The following ABLIM1 variants were observed in gnomAD, a reference collection of about 807,000 sequenced individuals.
ABLIM1 encodes the protein actin binding LIM protein 1.
ABLIM1 carries 40 observed loss-of-function variants against 107.0 expected under a neutral mutation model. The ratio of observed to expected loss-of-function variants is 0.37; its 90% CI spans 0.29 to 0.49. ABLIM1 has a LOEUF of 0.49. ABLIM1 is among the 20% of genes least tolerant of loss of function. The pLI, the probability that ABLIM1 is intolerant of heterozygous loss-of-function variation, is 0.97. For synonymous variants in ABLIM1, 357 were observed against 357.3 expected (o/e 1.00, Z 0.01); for missense variants, 857 against 1,008.5 (o/e 0.85, Z 2.04).
chr10:114,559,430 T>C (rs1591198391), intron 4 of ABLIM1, among the ~76,000 whole-genome samples: 2 of 59,794 alleles, frequency 3.3e-5, no homozygotes, highest in Admixed American at 2.3e-4. Flanking sequence ...TAGCAAAAAC[T>C]CGTCTCTCAA....
intron 1 of ABLIM1, among the ~76,000 whole-genome samples, chr10:114,669,226 G>A (rs2080151724): frequency 7.9e-6 from 1 of 126,266 alleles, no homozygotes. Context: ...TTAAAGACAG[G>A]TACATTTTAT....
chr10:114,567,814 G>A (rs1297135564), intron 4 of ABLIM1, among the ~76,000 whole-genome samples: 1 of 152,216 alleles, frequency 6.6e-6, no homozygotes, highest in Non-Finnish European at 1.5e-5. Flanking sequence ...TATTTCAAAG[G>A]AGAAAGAGGA....
intron 8 of ABLIM1, among the ~76,000 whole-genome samples, chr10:114,481,505 C>G (rs1021003531): frequency 4.6e-5 from 7 of 151,918 alleles, no homozygotes; most frequent in African/African-American, 1.7e-4. Flanking sequence ...TTGAAGTTCA[C>G]TAGACAAGGT....
intron 1 of ABLIM1, chr10:114,684,181 T>G: frequency 1.8e-6 from 2 of 1,115,526 alleles, no homozygotes; most frequent in Non-Finnish European, 2.5e-6. Context: ...TTATCATAAG[T>G]GTAAAACAAT....
intron 1 of ABLIM1, among the ~76,000 whole-genome samples, chr10:114,724,948 C>T (rs996730906): frequency 6.6e-6 from 1 of 152,182 alleles, no homozygotes; most frequent in Middle Eastern, 3.2e-3. Flanking sequence ...CTTACAGCCA[C>T]GTGCAGTACA....
intron 2 of ABLIM1, among the ~76,000 whole-genome samples, chr10:114,588,341 A>G (rs2074415439): frequency 6.7e-6 from 1 of 149,682 alleles, no homozygotes; most frequent in African/African-American, 2.5e-5. Flanking sequence ...TCTTACCTAC[A>G]TTCTACATTT....
chr10:114,633,625 C>T (rs535915712), intron 1 of ABLIM1, among the ~76,000 whole-genome samples: 1 of 152,254 alleles, frequency 6.6e-6, no homozygotes, highest in South Asian at 2.1e-4. Flanking sequence ...AGCGTTTAAG[C>T]GACTTCTCTA....
intron 1 of ABLIM1, among the ~76,000 whole-genome samples, chr10:114,762,199 A>AT (rs948171086): frequency 2.6e-5 from 4 of 151,748 alleles, no homozygotes; most frequent in African/African-American, 4.8e-5. Context: ...CGCCCAGCTA[A>AT]TTTTTTTTAT....
chr10:114,497,305 G>A (rs1178282489), intron 6 of ABLIM1, among the ~76,000 whole-genome samples: 2 of 152,170 alleles, frequency 1.3e-5, no homozygotes, highest in African/African-American at 4.8e-5. Flanking sequence ...AGTGGCCAGC[G>A]GTGCTGCTAG....
At chr10:114,600,040 TC>T (rs1231768860) in intron 2 of ABLIM1, among the ~76,000 whole-genome samples, 1 of 152,170 alleles carries the variant, frequency 6.6e-6, no homozygotes, top group Non-Finnish European at 1.5e-5. Flanking sequence ...TATACAATTA[TC>T]TGGTATATGG....
At chr10:114,779,831 G>C in the ABLIM1 span, 1 of 151,650 alleles carries the variant, frequency 6.6e-6, no homozygotes, top group East Asian at 1.9e-4. Flanking sequence ...GAGTATCCTT[G>C]AACATGTCTC....
chr10:114,521,851 A>AT (rs1432320798), intron 6 of ABLIM1, among the ~76,000 whole-genome samples: 1 of 152,190 alleles, frequency 6.6e-6, no homozygotes, highest in Non-Finnish European at 1.5e-5. Flanking sequence ...ATACAAGCAG[A>AT]TAAGAATTCC....
intron 3 of ABLIM1, 62 bp from the exon 4 acceptor site, chr10:114,571,468 C>A: frequency 6.6e-7 from 1 of 1,515,040 alleles, no homozygotes; most frequent in Admixed American, 1.7e-5. Flanking sequence ...TTTCCTTATT[C>A]CTTCTGCTTG....
intron 1 of ABLIM1, among the ~76,000 whole-genome samples, chr10:114,748,805 C>G (rs1388661305): frequency 6.6e-6 from 1 of 151,890 alleles, no homozygotes; most frequent in African/African-American, 2.4e-5. Flanking sequence ...TACAGACATT[C>G]ACCACCACAC....
chr10:114,774,876 A>C, the ABLIM1 span, among the ~76,000 whole-genome samples: 1 of 152,158 alleles, frequency 6.6e-6, no homozygotes, highest in Admixed American at 6.5e-5. Flanking sequence ...AGGGGAAAAA[A>C]AGTACTAGAT....
At position 114,707,617 on chromosome 10, in the gene ABLIM1, C is replaced by T. The variant is rs73373705; in HGVS notation, c.-213+60444G>A. Among the ~76,000 whole-genome samples the T allele has an allele frequency of 0.043, 6,563 of 152,114 alleles. 464 individuals carry two copies. The highest frequency in any genetic ancestry group is 0.15 in the African/African-American group (6,096 of 41,470). ...GTACTAGTCATAAAAAACTAATTAC[C>T]GGCCGGGCACGGTGGCTCACACTTA... On this transcript the variant is annotated intron_variant, in intron 1 of 15. Coordinates refer to the ABLIM1 transcript ENST00000651092. This position sits in a 1 kb window ranked among gnomAD's most constrained non-coding sequence, Gnocchi z 4.1.
intron 6 of ABLIM1, among the ~76,000 whole-genome samples, chr10:114,510,085 G>A (rs2061646162): frequency 2.6e-5 from 4 of 152,176 alleles, no homozygotes; most frequent in Admixed American, 2.6e-4. Flanking sequence ...CCCATGACAT[G>A]TGGGAATTAT....
chr10:114,593,534 G>A (rs1211015255), intron 2 of ABLIM1, among the ~76,000 whole-genome samples: 2 of 152,112 alleles, frequency 1.3e-5, no homozygotes, highest in Non-Finnish European at 2.9e-5. Flanking sequence ...GGAAACCTGA[G>A]CCTAGGAAGC....
At chr10:114,763,675 C>T (rs1353286812) in intron 1 of ABLIM1, among the ~76,000 whole-genome samples, 1 of 152,164 alleles carries the variant, frequency 6.6e-6, no homozygotes, top group Non-Finnish European at 1.5e-5. Context: ...TGAGCCACTG[C>T]ACCCAACCTG....
Sources: allele counts gnomAD v4.1 joint callset (sites outside exome capture counted in the v4.1 genomes callset), GRCh38; gene constraint gnomAD v4.1.1; non-coding constraint Gnocchi (gnomAD v3.1); transcripts MANE v1.5; gene names NCBI Gene and HGNC (gene_info 2026-07-23, HGNC 2026-07-21).